ROCK2: variants seen among roughly 807,000 people sequenced by gnomAD.
The protein encoded by ROCK2 is Rho associated coiled-coil containing protein kinase 2, also known as rho-associated protein kinase 2.
Under a neutral mutation model 195.1 loss-of-function variants are expected in ROCK2, and 61 were observed. The ratio of observed to expected loss-of-function variants is 0.31; its 90% CI spans 0.25 to 0.39. The LOEUF is 0.39. Ranked by LOEUF, ROCK2 falls within the 10% of genes least tolerant of loss-of-function variation. ROCK2 has a pLI of 1.00. For synonymous variants in ROCK2, 504 were observed against 545.5 expected (o/e 0.92, Z 1.06); for missense variants, 1,109 against 1,637.4 (o/e 0.68, Z 5.57).
Position 11,183,232 on chromosome 2 carries a change from T to G in ROCK2, c.*205A>C. 2 of 489,068 alleles carry G rather than the reference T, an allele frequency of 4.1e-6. No homozygotes were observed. Among genetic ancestry groups the G allele is most frequent in the Non-Finnish European group, 7.4e-6 (2 of 269,758 alleles). 30.3% of individuals were successfully genotyped at this position (489,068 alleles called of 1,614,324 possible). ...TATCCTTAGTCTATCAACCAATCAT[T>G]GTTGGTTCAACCTGTTGCTTCAAAG... On this transcript the variant is annotated 3_prime_UTR_variant, in exon 33 of 33. Transcript: ENST00000315872.
intron 1 of ROCK2, among the ~76,000 whole-genome samples, chr2:11,304,110 T>C (rs73915158): frequency 0.022 from 3,386 of 152,308 alleles, 57 homozygotes; most frequent in East Asian, 0.052. Flanking sequence ...TCGAACTCCA[T>C]CTTGTCTTGC....
intron 1 of ROCK2, among the ~76,000 whole-genome samples, chr2:11,323,301 A>C (rs776950283): frequency 2.6e-5 from 4 of 152,206 alleles, no homozygotes; most frequent in Non-Finnish European, 5.9e-5. Context: ...ACTTTGGACA[A>C]ACCTCCAAAC....
At chr2:11,226,821 T>C (rs1325198206) in intron 6 of ROCK2, among the ~76,000 whole-genome samples, 2 of 146,204 alleles carry the variant, frequency 1.4e-5, no homozygotes, top group Admixed American at 1.4e-4. Context: ...CAAAATGGGA[T>C]GATCACTTGA....
chr2:11,192,271 T>C lies in ROCK2; in HGVS notation c.4040A>G (p.Lys1347Arg). 1 of 1,613,876 alleles carries C rather than the reference T, an allele frequency of 6.2e-7. No individual in the cohort carries two copies. The highest frequency in any genetic ancestry group is 8.5e-7 in the Non-Finnish European group (1 of 1,179,838). ...QQKWVSRLVK[K>R]IPKKPPAPDP... ...TGGAGCTGGGGGCTTTTTAGGTATC[T>C]TTTTCACCAACCGACTAACCCACTT... The change falls in exon 32 of 33, where the codon AAG becomes AGG. Residue 1347 changes from lysine to arginine, a missense_variant. Lys to Arg is a conservative substitution (Grantham distance 26). This residue lies in a region of ROCK2 where 221 missense variants were observed against 355.1 expected (regional missense o/e 0.62). Transcript: ENST00000315872. The surrounding 1 kb of genome is among the most constrained non-coding windows in gnomAD (Gnocchi z 5.0).
At chr2:11,279,647 T>C (rs988197326) in intron 3 of ROCK2, among the ~76,000 whole-genome samples, 1 of 152,242 alleles carries the variant, frequency 6.6e-6, no homozygotes, top group African/African-American at 2.4e-5. Context: ...CAGTTAAGAA[T>C]ATAGTGGAAC....
intron 1 of ROCK2, among the ~76,000 whole-genome samples, chr2:11,323,344 T>C (rs557787065): frequency 6.6e-6 from 1 of 152,334 alleles, no homozygotes; most frequent in Non-Finnish European, 1.5e-5. Flanking sequence ...ATATCTGCCC[T>C]ACATATTTCA....
intron 20 of ROCK2, among the ~76,000 whole-genome samples, chr2:11,204,128 GAAGA>G (rs983388370): frequency 1.3e-5 from 2 of 152,144 alleles, no homozygotes; most frequent in African/African-American, 2.4e-5. Flanking sequence ...TATTCGCCTA[GAAGA>G]AATAACTGTT....
intron 20 of ROCK2, among the ~76,000 whole-genome samples, chr2:11,202,729 C>A (rs1663907770): frequency 6.6e-6 from 1 of 152,122 alleles, no homozygotes; most frequent in Non-Finnish European, 1.5e-5. Context: ...ATCTCCTGAC[C>A]TTGTGATCTG....
chr2:11,313,227 C>G (rs1668090982), intron 1 of ROCK2, among the ~76,000 whole-genome samples: 1 of 152,106 alleles, frequency 6.6e-6, no homozygotes, highest in African/African-American at 2.4e-5. Flanking sequence ...GATGGAGTAG[C>G]TGTTACATGG....
intron 4 of ROCK2, among the ~76,000 whole-genome samples, chr2:11,240,445 G>A (rs1665382350): frequency 6.6e-6 from 1 of 152,198 alleles, no homozygotes; most frequent in African/African-American, 2.4e-5. Context: ...AAAAAGGGAT[G>A]AAGTATAACA....
Position 11,180,668 on chromosome 2 carries a change from G to A in ROCK2, c.*2769C>T, listed in dbSNP as rs1662945832. On this transcript the variant is annotated 3_prime_UTR_variant, in exon 33 of 33. Transcript: ENST00000315872. ...TTAGTTCCCCATAGGAGGTATTTATGGTTCTAGGAGAAATCAGGTGTGAAG... is the reference window on the plus strand; with the variant it reads ...TTAGTTCCCCATAGGAGGTATTTATAGTTCTAGGAGAAATCAGGTGTGAAG... 6.6e-6 allele frequency: 1 copy of A among 152,146 alleles called. No individual in the cohort carries two copies. The highest frequency in any genetic ancestry group is 6.5e-5 in the Admixed American group (1 of 15,274). 9.4% of individuals were successfully genotyped at this position (152,146 alleles called of 1,614,324 possible).
intron 1 of ROCK2, among the ~76,000 whole-genome samples, chr2:11,340,966 A>T (rs1669085509): frequency 6.6e-6 from 1 of 152,152 alleles, no homozygotes; most frequent in Admixed American, 6.5e-5. Flanking sequence ...CCTGAAACAC[A>T]GTTCTTTTTA....
chr2:11,281,394 C>T (rs1467033478), intron 3 of ROCK2, among the ~76,000 whole-genome samples: 3 of 152,074 alleles, frequency 2.0e-5, no homozygotes, highest in African/African-American at 7.2e-5. Context: ...ACTGAAAGTC[C>T]GAGGTAATGC....
chr2:11,215,702 CAAAAA>C lies in ROCK2; in HGVS notation c.1462-62_1462-58del, dbSNP rs1168189812. On this transcript the variant is annotated intron_variant, in intron 13 of 32. Transcript: ENST00000315872. ...AGTATGTATAAAAATGAAATCAAAA[CAAAAA>C]ATACTTGCTATTCCAAACAGATAAA... 19 of 1,416,378 alleles carry C rather than the reference CAAAAA, an allele frequency of 1.3e-5. No individual in the cohort carries two copies. The Admixed American group carries it at 4.2e-4, about 31-fold the overall frequency. 87.7% of individuals were successfully genotyped at this position (1,416,378 alleles called of 1,614,324 possible).
chr2:11,340,486 T>G (rs1038412519), intron 1 of ROCK2, among the ~76,000 whole-genome samples: 3 of 152,182 alleles, frequency 2.0e-5, no homozygotes, highest in Non-Finnish European at 4.4e-5. Context: ...TCTTTAAATA[T>G]CTCCTATCAA....
intron 9 of ROCK2, 78 bp downstream of exon 9, chr2:11,221,120 A>AT: frequency 9.3e-7 from 1 of 1,075,516 alleles, no homozygotes; most frequent in Non-Finnish European, 1.3e-6. Flanking sequence ...ATCTCCTATA[A>AT]TTGAGTCTCA....
intron 2 of ROCK2, among the ~76,000 whole-genome samples, chr2:11,287,363 T>C (rs2148194641): frequency 6.6e-6 from 1 of 152,334 alleles, no homozygotes; most frequent in Non-Finnish European, 1.5e-5. Flanking sequence ...GAATTGTAAA[T>C]ATTAATTTAA....
intron 17 of ROCK2, among the ~76,000 whole-genome samples, 162 bp from the exon 18 acceptor site, chr2:11,212,002 G>T (rs1221119441): frequency 6.6e-6 from 1 of 151,560 alleles, no homozygotes; most frequent in Non-Finnish European, 1.5e-5. Flanking sequence ...ACCTCCCCAG[G>T]CTCAAGCAAT....
chr2:11,317,488 CATAAA>C (rs1326102040), intron 1 of ROCK2, among the ~76,000 whole-genome samples: 2 of 145,472 alleles, frequency 1.4e-5, no homozygotes, highest in African/African-American at 5.1e-5. Flanking sequence ...AAATAAAGGA[CATAAA>C]ATGTCTGTAA....
Sources: gnomAD v4.1 joint callset for allele counts (sites outside exome capture counted in the v4.1 genomes callset) on GRCh38, gnomAD v4.1.1 for gene constraint, gnomAD v4.1.1 regional missense constraint, Gnocchi (gnomAD v3.1) non-coding constraint, MANE v1.5 for transcripts, NCBI Gene and HGNC (gene_info 2026-07-23, HGNC 2026-07-21) for gene names.